Variants in MAL observed in about 807,000 individuals in gnomAD.
MAL encodes the protein mal, T cell differentiation protein (MAL blood group), also known as myelin and lymphocyte protein.
Under a neutral mutation model 16.7 loss-of-function variants are expected in MAL, and 5 were observed. The ratio of observed to expected loss-of-function variants is 0.30; its 90% CI spans 0.16 to 0.63. MAL has a LOEUF of 0.63. MAL is among the 30% of genes least tolerant of loss of function. The probability of loss-of-function intolerance (pLI) is 0.82; values close to 1 mark genes in which losing one functional copy is unlikely to be tolerated. For missense variants in MAL, 202 were observed against 195.8 expected, an observed-to-expected ratio of 1.03 and a Z score of -0.19; for synonymous variants, 96 against 85.5, an observed-to-expected ratio of 1.12 and a Z score of -0.67.
intron 1 of MAL, among the ~76,000 whole-genome samples, chr2:95,028,213 C>CT (rs1222731540): frequency 6.7e-6 from 1 of 148,634 alleles, no homozygotes; most frequent in East Asian, 2.0e-4. Flanking sequence ...GTCCCAGCTA[C>CT]TCAGCAGGCT....
intron 1 of MAL, among the ~76,000 whole-genome samples, chr2:95,027,396 C>T (rs1372422446): frequency 1.3e-5 from 2 of 152,186 alleles, no homozygotes; most frequent in Non-Finnish European, 2.9e-5. Flanking sequence ...GAAGAAACAA[C>T]TCCCCCTCGC....
At chr2:95,045,648 C>A (rs1156409866) in intron 1 of MAL, among the ~76,000 whole-genome samples, 1 of 152,210 alleles carries the variant, frequency 6.6e-6, no homozygotes, top group Non-Finnish European at 1.5e-5. Context: ...GTCACGTAGC[C>A]ACCAGGCAAA....
At chr2:95,029,258 T>C (rs1674020700) in intron 1 of MAL, among the ~76,000 whole-genome samples, 1 of 152,214 alleles carries the variant, frequency 6.6e-6, no homozygotes, top group Non-Finnish European at 1.5e-5. Flanking sequence ...TTATTCTCTC[T>C]CTCCCTCCGT....
chr2:95,030,966 G>A (rs1014990296), intron 1 of MAL, among the ~76,000 whole-genome samples: 19 of 152,340 alleles, frequency 1.2e-4, no homozygotes, highest in Admixed American at 6.5e-4. Context: ...TAGCCAGCCC[G>A]ACAGAGCCGG....
Position 95,025,852 on chromosome 2 carries a change from C to T in MAL, c.60C>T (p.Thr20=), listed in dbSNP as rs768969496. Residue 20 remains threonine, a synonymous_variant, in exon 1 of 4, where the codon ACC becomes ACT. Transcript: ENST00000309988. The surrounding 1 kb of genome is among the most constrained non-coding windows in gnomAD (Gnocchi z 5.6). The part of the protein sequence containing the change: ...STLPSGFSVF[T]TLPDLLFIFE... ...TGCCCAGTGGCTTCTCGGTCTTCAC[C>T]ACCTTGCCCGACTTGCTCTTCATCT... 2.5e-6 allele frequency: 4 copies of T among 1,578,130 alleles called. No individual in the cohort carries two copies.
At chr2:95,030,936 A>G (rs2104329734) in intron 1 of MAL, among the ~76,000 whole-genome samples, 1 of 152,298 alleles carries the variant, frequency 6.6e-6, no homozygotes, top group East Asian at 1.9e-4. Context: ...CTTCTGCTAG[A>G]TTTCTACCTG....
At chr2:95,052,758 A>G (rs1674747500) in intron 3 of MAL, among the ~76,000 whole-genome samples, 1 of 152,170 alleles carries the variant, frequency 6.6e-6, no homozygotes, top group Non-Finnish European at 1.5e-5. Context: ...GGCTGACTGG[A>G]TGGTCCCAAC....
chr2:95,038,012 CTGAG>C (rs772449677), intron 1 of MAL, among the ~76,000 whole-genome samples: 7 of 114,450 alleles, frequency 6.1e-5, no homozygotes, highest in Admixed American at 1.8e-4. Context: ...GAGTGAGTGA[CTGAG>C]TGACTGTGTG....
intron 1 of MAL, among the ~76,000 whole-genome samples, chr2:95,039,972 C>G (rs1051755707): frequency 1.3e-5 from 2 of 152,150 alleles, no homozygotes; most frequent in African/African-American, 4.8e-5. Context: ...ATTTAGGGGT[C>G]TTGGGTCTTC....
At chr2:95,042,312 G>A (rs1027290188) in intron 1 of MAL, among the ~76,000 whole-genome samples, 1 of 152,222 alleles carries the variant, frequency 6.6e-6, no homozygotes, top group African/African-American at 2.4e-5. Flanking sequence ...TTATGTTACG[G>A]CAACACATCA....
chr2:95,026,874 A>C (rs545134860), intron 1 of MAL, among the ~76,000 whole-genome samples: 15 of 152,266 alleles, frequency 9.9e-5, no homozygotes, highest in African/African-American at 3.1e-4. Context: ...CTGTTTAAAA[A>C]TTGGACCCCA....
intron 1 of MAL, among the ~76,000 whole-genome samples, chr2:95,030,705 G>C (rs558311544): frequency 6.6e-6 from 1 of 152,306 alleles, no homozygotes; most frequent in African/African-American, 2.4e-5. Context: ...GAGGAATGCC[G>C]CCCAGCCCTC....
At chr2:95,043,066 C>G (rs1674507316) in intron 1 of MAL, among the ~76,000 whole-genome samples, 1 of 152,258 alleles carries the variant, frequency 6.6e-6, no homozygotes, top group African/African-American at 2.4e-5. Context: ...CCCGGCTGCC[C>G]AGCCTTCAGC....
intron 1 of MAL, among the ~76,000 whole-genome samples, chr2:95,035,870 C>T (rs1367491921): frequency 2.0e-5 from 3 of 152,030 alleles, no homozygotes; most frequent in South Asian, 2.1e-4. Flanking sequence ...GGGGTTTCAC[C>T]GTGTTAGCCA....
intron 1 of MAL, among the ~76,000 whole-genome samples, chr2:95,034,739 C>T (rs1674166305): frequency 6.6e-6 from 1 of 152,126 alleles, no homozygotes; most frequent in Non-Finnish European, 1.5e-5. Flanking sequence ...CACAGACCTC[C>T]TTCATCTCCA....
chr2:95,052,780 T>C (rs1674748017), intron 3 of MAL, among the ~76,000 whole-genome samples: 1 of 152,146 alleles, frequency 6.6e-6, no homozygotes, highest in South Asian at 2.1e-4. Flanking sequence ...GTAAGGCCCC[T>C]CCTTTAGACA....
In MAL at chr2:95,053,196, A is replaced by G. The variant is rs990542931; in HGVS notation, c.388-185A>G. The G allele has an allele frequency of 1.9e-5, 12 of 624,626 alleles. No homozygotes were observed. In the African/African-American group the frequency reaches 2.0e-4, roughly 10 times the overall value. The allele number at this position is 624,626 out of a possible 1,614,324, so 38.7% of individuals were successfully genotyped here. A position where few individuals can be genotyped will look rare whatever the true frequency, so the allele number is the denominator to read the frequency against. On this transcript the variant is annotated intron_variant, in intron 3 of 3. Transcript: ENST00000309988. Reference sequence around the variant, plus strand: ...ACTGTTAGGTCACATGGAGCTCTGTACTGAGAGGATTTGGTGCACACCTGG... The same window carrying G: ...ACTGTTAGGTCACATGGAGCTCTGTGCTGAGAGGATTTGGTGCACACCTGG...
rs1229454221 is a variant in MAL at position 95,025,833 on chromosome 2, G to C, written c.41G>C (p.Ser14Thr). Residue 14 changes from serine to threonine, a missense_variant, in exon 1 of 4, where the codon AGT becomes ACT. Transcript: ENST00000309988. The surrounding 1 kb of genome is among the most constrained non-coding windows in gnomAD (Gnocchi z 5.6). ...AAATGGSTLPSGFSVFTTLPD... is the reference protein window; with the variant it reads ...AAATGGSTLPTGFSVFTTLPD... ...GCGACGGGGGGCAGCACCCTGCCCA[G>C]TGGCTTCTCGGTCTTCACCACCTTG... is the stretch of plus-strand genomic sequence containing the variant. 6.3e-7 allele frequency: 1 copy of C among 1,578,360 alleles called. No homozygotes were observed. Among genetic ancestry groups the C allele is most frequent in the South Asian group, 1.2e-5 (1 of 85,292 alleles).
intron 3 of MAL, among the ~76,000 whole-genome samples, chr2:95,050,934 T>C (rs1365322978): frequency 6.6e-6 from 1 of 152,086 alleles, no homozygotes; most frequent in Non-Finnish European, 1.5e-5. Flanking sequence ...TTCCATCTCA[T>C]CTCCCTCTCC....
Sources: gnomAD v4.1 joint callset for allele counts (sites outside exome capture counted in the v4.1 genomes callset) on GRCh38, gnomAD v4.1.1 for gene constraint, Gnocchi (gnomAD v3.1) non-coding constraint, MANE v1.5 for transcripts, NCBI Gene and HGNC (gene_info 2026-07-23, HGNC 2026-07-21) for gene names.